The following LPAR3 variants were observed in gnomAD, a reference collection of about 807,000 sequenced individuals.
LPAR3 encodes lysophosphatidic acid receptor 3.
Under a neutral mutation model 17.8 loss-of-function variants are expected in LPAR3, and 7 were observed. The observed-to-expected ratio is 0.39, with a 90% confidence interval of 0.22 to 0.74. The LOEUF (loss-of-function observed/expected upper bound fraction) is 0.74. LPAR3 is among the 30% of genes least tolerant of loss of function. LPAR3 has a pLI of 0.40. For missense variants in LPAR3, 391 were observed against 453.4 expected, an observed-to-expected ratio of 0.86 and a Z score of 1.25; for synonymous variants, 179 against 179.9, an observed-to-expected ratio of 0.99 and a Z score of 0.04.
rs75468361 is a variant in LPAR3 at position 84,889,082 on chromosome 1, A to G, written c.-19+3934T>C. On this transcript the variant is annotated intron_variant, in intron 1 of 2. Transcript: ENST00000370611. ...GAGGAGTTCAAGGTTGTAGATACAC[A>G]GGACAAGAGGCCAGCCAAGGAAGAG... Among the ~76,000 whole-genome samples, 5 of 152,146 alleles carry G rather than the reference A, an allele frequency of 3.3e-5. No individual in the cohort carries two copies. The East Asian group carries it at 9.7e-4, about 29-fold the overall frequency.
intron 2 of LPAR3, among the ~76,000 whole-genome samples, chr1:84,832,108 G>A (rs1447520251): frequency 6.6e-6 from 1 of 152,026 alleles, no homozygotes; most frequent in Non-Finnish European, 1.5e-5. Context: ...CTTCTGGAAA[G>A]CATGCAGCAA....
intron 2 of LPAR3, among the ~76,000 whole-genome samples, chr1:84,815,037 T>G (rs1248526151): frequency 6.6e-6 from 1 of 152,228 alleles, no homozygotes; most frequent in Non-Finnish European, 1.5e-5. Context: ...GACTCATCTT[T>G]ATACAGCACT....
intron 2 of LPAR3, among the ~76,000 whole-genome samples, chr1:84,858,498 A>C (rs1386828260): frequency 1.3e-5 from 2 of 151,816 alleles, no homozygotes; most frequent in African/African-American, 4.8e-5. Context: ...AAAAAAAAAA[A>C]AAAAAACCTA....
At chr1:84,834,855 A>G (rs1659365253) in intron 2 of LPAR3, among the ~76,000 whole-genome samples, 1 of 152,176 alleles carries the variant, frequency 6.6e-6, no homozygotes, top group African/African-American at 2.4e-5. Context: ...GGTCATCAAC[A>G]TCTACTTAAC....
intron 1 of LPAR3, among the ~76,000 whole-genome samples, chr1:84,869,348 T>A (rs1233406458): frequency 6.6e-6 from 1 of 152,176 alleles, no homozygotes; most frequent in Non-Finnish European, 1.5e-5. Context: ...AAACTATGAT[T>A]AGCCAGAACT....
rs35745543 is a variant in LPAR3, at chr1:84,865,429, C to T, written c.692G>A (p.Arg231Gln). The T allele has an allele frequency of 1.3e-3, 2,171 of 1,613,976 alleles. 36 individuals are homozygous for T. In the African/African-American group the frequency reaches 0.024, roughly 18 times the overall value. The change falls in exon 2 of 3, where the codon CGG becomes CAG. Residue 231 changes from arginine to glutamine, a missense_variant. By Grantham distance (43) the Arg-to-Gln change is conservative (BLOSUM62 1). Transcript: ENST00000370611. Reference protein sequence around the residue: ...SPHTSGSISRRRTPMKLMKTV... With the variant: ...SPHTSGSISRQRTPMKLMKTV... ...CTTCATTAGCTTCATGGGTGTCCTC[C>T]GGCGGCTGATGGACCCACTTGTATG...
rs377701682 is a variant in LPAR3, at chr1:84,869,692, A to C, written c.-18-3554T>G. Among the ~76,000 whole-genome samples the C allele has an allele frequency of 9.2e-5, 14 of 152,280 alleles. No homozygotes were observed. The South Asian group carries it at 1.5e-3, about 16-fold the overall frequency. Reference sequence around the variant, plus strand: ...CTTTCTAATTTTTTCCATCTACCACATTTTCTGTAATAAGTAAATCAAGAC... The same window carrying C: ...CTTTCTAATTTTTTCCATCTACCACCTTTTCTGTAATAAGTAAATCAAGAC... On this transcript the variant is annotated intron_variant, in intron 1 of 2. Coordinates refer to ENST00000370611, the MANE Select transcript of LPAR3 (RefSeq NM_012152.3).
intron 1 of LPAR3, among the ~76,000 whole-genome samples, chr1:84,868,699 G>C (rs1040360614): frequency 6.6e-6 from 1 of 152,056 alleles, no homozygotes; most frequent in Non-Finnish European, 1.5e-5. Flanking sequence ...GAGAGAACTC[G>C]TGAGACCCTT....
chr1:84,891,160 T>TA (rs546045989), intron 1 of LPAR3, among the ~76,000 whole-genome samples: 4,157 of 144,572 alleles, frequency 0.029, 160 homozygotes, highest in African/African-American at 0.089. Flanking sequence ...TCTGATCTGA[T>TA]AAAAAAAAAA....
At chr1:84,835,475 A>G (rs1307132946) in intron 2 of LPAR3, among the ~76,000 whole-genome samples, 2 of 151,872 alleles carry the variant, frequency 1.3e-5, no homozygotes, top group Admixed American at 1.3e-4. Context: ...ACGTGTGTGT[A>G]CGTGTGTGTG....
At chr1:84,842,885 G>GA (rs1459043902) in intron 2 of LPAR3, among the ~76,000 whole-genome samples, 4 of 150,352 alleles carry the variant, frequency 2.7e-5, no homozygotes, top group East Asian at 1.9e-4. Flanking sequence ...GAGCAAAGAA[G>GA]AAAAAAAAAG....
At chr1:84,890,558 A>C (rs1660533942) in intron 1 of LPAR3, among the ~76,000 whole-genome samples, 1 of 152,196 alleles carries the variant, frequency 6.6e-6, no homozygotes, top group Non-Finnish European at 1.5e-5. Flanking sequence ...CTTGGACTGG[A>C]ACAAAAGCTG....
At chr1:84,867,723 C>A (rs961515945) in intron 1 of LPAR3, among the ~76,000 whole-genome samples, 1 of 151,950 alleles carries the variant, frequency 6.6e-6, no homozygotes, top group African/African-American at 2.4e-5. Context: ...ACTCAATTTT[C>A]ATAATGACAA....
rs954253554 is a variant in LPAR3, at chr1:84,813,546, G to C, written c.*300C>G. ...GTCCTTTTAAAATACAAAGAGAATG[G>C]CTACGAAATGGTGCCAGAACCCAGA... On this transcript the variant is annotated 3_prime_UTR_variant, in exon 3 of 3. Transcript: ENST00000370611. The C allele has an allele frequency of 1.7e-5, 5 of 299,540 alleles. No individual in the cohort carries two copies. Among genetic ancestry groups the C allele is most frequent in the Non-Finnish European group, 1.2e-5 (2 of 160,296 alleles). 18.6% of individuals were successfully genotyped at this position (299,540 alleles called of 1,614,324 possible). A position where few individuals can be genotyped will look rare whatever the true frequency, so the allele number is the denominator to read the frequency against.
rs758711537 is a variant in LPAR3 at position 84,865,892 on chromosome 1, A to C, written c.229T>G (p.Phe77Val). The C allele has an allele frequency of 5.0e-6, 8 of 1,614,228 alleles. No individual in the cohort carries two copies. The Admixed American group carries it at 1.3e-4, about 27-fold the overall frequency. ...YLLANLAAAD[F>V]FAGIAYVFLM... ...AATACATAGGCAATTCCAGCGAAGAAATCGGCAGCAGCTAAATTAGCCAAC... is the reference window on the plus strand; with the variant it reads ...AATACATAGGCAATTCCAGCGAAGACATCGGCAGCAGCTAAATTAGCCAAC... The change falls in exon 2 of 3, where the codon TTC (phenylalanine) becomes GTC (valine). Residue 77 changes from phenylalanine to valine, a missense_variant. Transcript: ENST00000370611.
In LPAR3 at chr1:84,814,146, C is replaced by T. The variant is rs1017952116; in HGVS notation, c.762G>A (p.Pro254=). 5 of 1,613,988 alleles carry T rather than the reference C, an allele frequency of 3.1e-6. No homozygotes were observed. The highest frequency in any genetic ancestry group is 2.2e-5 in the East Asian group (1 of 44,862). The change falls in exon 3 of 3, where the codon CCG becomes CCA. Residue 254 remains proline, a synonymous_variant. Transcript: ENST00000370611. ...CGTCGAGGAGCAGAACCACCAGGCC[C>T]GGGGTCCAGCATACCACAAACGCCC... ...VLGAFVVCWT[P]GLVVLLLDGL...
chr1:84,859,746 G>A (rs1222262959), intron 2 of LPAR3, among the ~76,000 whole-genome samples: 2 of 152,200 alleles, frequency 1.3e-5, no homozygotes, highest in Non-Finnish European at 2.9e-5. Flanking sequence ...GTTCATGGAA[G>A]ACTTCAAAAG....
At chr1:84,884,872 G>T (rs951240935) in intron 1 of LPAR3, among the ~76,000 whole-genome samples, 1 of 152,152 alleles carries the variant, frequency 6.6e-6, no homozygotes, top group East Asian at 1.9e-4. Flanking sequence ...TTGCATACTT[G>T]CAGTGAACAA....
chr1:84,880,127 C>A (rs544461400), intron 1 of LPAR3, among the ~76,000 whole-genome samples: 5 of 151,866 alleles, frequency 3.3e-5, no homozygotes, highest in Non-Finnish European at 5.9e-5. Flanking sequence ...GTCGGGAGTT[C>A]GAGACCAGCC....
Sources: allele counts gnomAD v4.1 joint callset (sites outside exome capture counted in the v4.1 genomes callset), GRCh38; gene constraint gnomAD v4.1.1; transcripts MANE v1.5; gene names NCBI Gene and HGNC (gene_info 2026-07-23, HGNC 2026-07-21).